DUSP9: variants seen among roughly 807,000 people sequenced by gnomAD.
DUSP9 encodes the protein dual specificity protein phosphatase 9.
Under a neutral mutation model 13.2 loss-of-function variants are expected in DUSP9, and 4 were observed. The observed-to-expected ratio is 0.30, with a 90% CI of 0.15 to 0.69. The LOEUF is 0.69. DUSP9 is among the 30% of genes least tolerant of loss of function. The pLI is 0.73. For missense variants in DUSP9, 263 were observed against 355.0 expected, an observed-to-expected ratio of 0.74 and a Z score of 2.08; for synonymous variants, 166 against 172.3, an observed-to-expected ratio of 0.96 and a Z score of 0.29.
rs951442522 is a variant in DUSP9, at chrX:153,650,538, G to A, written c.*233G>A. ...TTTTCTTTGCGGGATGGGGGTGGGG[G>A]TTCCCTCTCCAGGTGGTTGTCCAGG... On this transcript the variant is annotated 3_prime_UTR_variant, in exon 4 of 4. Coordinates refer to ENST00000342782, the MANE Select transcript of DUSP9 (RefSeq NM_001318503.2). 54 of 397,513 alleles carry A rather than the reference G, an allele frequency of 1.4e-4. 1 individual carries two copies. Among genetic ancestry groups the A allele is most frequent in the Non-Finnish European group, 2.2e-5 (5 of 230,137 alleles). 32.8% of individuals were successfully genotyped at this position (397,513 alleles called of 1,213,427 possible). A position where few individuals can be genotyped will look rare whatever the true frequency, so the allele number is the denominator to read the frequency against.
upstream of DUSP9, among the ~76,000 whole-genome samples, chrX:153,645,608 T>G (rs1391023192): frequency 8.8e-6 from 1 of 113,247 alleles, no homozygotes; most frequent in African/African-American, 3.2e-5. Flanking sequence ...GAGAGGAGTC[T>G]TTAGACTCGT....
Position 153,649,313 on chromosome X carries a change from C to T in DUSP9, c.455C>T (p.Pro152Leu), listed in dbSNP as rs782504547. 1.9e-4 allele frequency: 224 copies of T among 1,209,272 alleles called. 2 individuals carry two copies. In the South Asian group the frequency reaches 2.4e-3, roughly 13 times the overall value. The stretch of plus-strand genomic sequence containing the variant: ...GGCCGTGCCGGCTCCAGCATGGCGC[C>T]GGTGCCCGGTCCAGTGCCCGTGGTG... The part of the protein sequence containing the change: ...LAGRAGSSMA[P>L]VPGPVPVVGL... The change falls in exon 3 of 4, where the codon CCG becomes CTG. Residue 152 changes from proline to leucine, a missense_variant. Physicochemically the swap from Pro to Leu is moderately conservative, Grantham distance 98. Transcript: ENST00000342782.
intron 3 of DUSP9, 71 bp from the exon 4 acceptor site, chrX:153,649,908 GC>G: frequency 9.0e-7 from 1 of 1,111,279 alleles, no homozygotes; most frequent in Non-Finnish European, 1.2e-6. Context: ...GCCTTTGAGG[GC>G]CCTTCGGAAG....
upstream of DUSP9, among the ~76,000 whole-genome samples, chrX:153,646,276 T>A (rs986590156): frequency 8.1e-5 from 9 of 111,555 alleles, no homozygotes; most frequent in African/African-American, 2.9e-4. Context: ...GTTGTGCCCA[T>A]GGAGGAAAGG....
chrX:153,649,635 C>T lies in DUSP9; in HGVS notation c.777C>T (p.Asp259=). Residue 259 remains aspartate, a synonymous_variant, in exon 3 of 4, where the codon GAC becomes GAT. Coordinates refer to ENST00000342782, the MANE Select transcript of DUSP9 (RefSeq NM_001318503.2). ...ACTACAAGCAGATCCCCATCTCCGA[C>T]CACTGGAGCCAGAACCTGTCGCGGT... The part of the protein sequence containing the change: ...DFHYKQIPIS[D]HWSQNLSRFF... The T allele has an allele frequency of 1.7e-6, 2 of 1,211,853 alleles. No individual in the cohort carries two copies. The highest frequency in any genetic ancestry group is 3.0e-5 in the East Asian group (1 of 33,851).
In DUSP9 at chrX:153,649,337, T is replaced by G; in HGVS notation, c.479T>G (p.Val160Gly). 8.3e-7 allele frequency: 1 copy of G among 1,210,506 alleles called. No homozygotes were observed. The highest frequency in any genetic ancestry group is 1.1e-6 in the Non-Finnish European group (1 of 895,374). Reference sequence around the variant, plus strand: ...CCGGTGCCCGGTCCAGTGCCCGTGGTGGGGTTGGGCAGCCTGTGCCTGGGC... The same window carrying G: ...CCGGTGCCCGGTCCAGTGCCCGTGGGGGGGTTGGGCAGCCTGTGCCTGGGC... ...MAPVPGPVPV[V>G]GLGSLCLGSD... The change falls in exon 3 of 4, where the codon GTG (valine) becomes GGG (glycine). Residue 160 changes from valine to glycine, a missense_variant. Physicochemically the swap from Val to Gly is moderately radical, Grantham distance 109 (BLOSUM62 -3). Coordinates refer to ENST00000342782, the MANE Select transcript of DUSP9 (RefSeq NM_001318503.2).
Position 153,650,008 on chromosome X carries a change from G to A in DUSP9, c.858G>A (p.Val286=). The A allele has an allele frequency of 1.7e-6, 2 of 1,210,594 alleles. No individual in the cohort carries two copies. The highest frequency in any genetic ancestry group is 2.2e-6 in the Non-Finnish European group (2 of 895,322). The change falls in exon 4 of 4, where the codon GTG becomes GTA. Residue 286 remains valine (V), a synonymous_variant. Coordinates refer to ENST00000342782, the MANE Select transcript of DUSP9 (RefSeq NM_001318503.2). The part of the protein sequence containing the change: ...IDEALSQNCG[V]LVHCLAGVSR... ...AGGCCTTGTCCCAGAACTGCGGGGTGCTCGTCCACTGCTTGGCGGGGGTCA... is the reference window on the plus strand; with the variant it reads ...AGGCCTTGTCCCAGAACTGCGGGGTACTCGTCCACTGCTTGGCGGGGGTCA...
chrX:153,650,164 G>A lies in DUSP9; in HGVS notation c.1014G>A (p.Leu338=), dbSNP rs1557036283. The A allele has an allele frequency of 8.2e-7, 1 of 1,212,391 alleles. No homozygotes were observed. The highest frequency in any genetic ancestry group is 3.0e-5 in the East Asian group (1 of 33,829). ...ACTTCAACTTCATGGGGCAGTTGCTGGACTTTGAGCGCAGCTTGCGGCTGG... is the reference window on the plus strand; with the variant it reads ...ACTTCAACTTCATGGGGCAGTTGCTAGACTTTGAGCGCAGCTTGCGGCTGG... ...SPNFNFMGQL[L]DFERSLRLEE... The change falls in exon 4 of 4, where the codon CTG becomes CTA. Residue 338 remains leucine (L), a synonymous_variant. Transcript: ENST00000342782.
chrX:153,647,668 T>G, intron 1 of DUSP9: 1 of 216,696 alleles, frequency 4.6e-6, no homozygotes, highest in Non-Finnish European at 8.3e-6. Flanking sequence ...AGAAAGGGGG[T>G]ATGGAGGGAG....
At position 153,650,334 on chromosome X, in the gene DUSP9, C is replaced by T. The variant is rs951428660; in HGVS notation, c.*29C>T. On this transcript the variant is annotated 3_prime_UTR_variant, in exon 4 of 4. Transcript: ENST00000342782. The stretch of plus-strand genomic sequence containing the variant: ...CCCGTGGCCGGCAGGCCGGCCCCTG[C>T]CCCACCCCCACCCACGGGTGTCCCT... 3 of 1,024,909 alleles carry T rather than the reference C, an allele frequency of 2.9e-6. No individual in the cohort carries two copies. The highest frequency in any genetic ancestry group is 3.9e-6 in the Non-Finnish European group (3 of 764,501). The allele number at this position is 1,024,909 out of a possible 1,213,427, so 84.5% of individuals were successfully genotyped here.
intron 2 of DUSP9, 132 bp downstream of exon 2, chrX:153,648,458 G>A (rs2148322086): frequency 1.3e-6 from 1 of 785,592 alleles, no homozygotes; most frequent in South Asian, 3.9e-5. Flanking sequence ...TTGAGAGGAG[G>A]GAAGCCTGAG....
chrX:153,644,357 C>A (rs1260901365), upstream of DUSP9, among the ~76,000 whole-genome samples: 4 of 105,196 alleles, frequency 3.8e-5, no homozygotes, highest in African/African-American at 1.4e-4. Context: ...GAGCGCGCGG[C>A]CTGGCTCAGC....
In DUSP9 at chrX:153,650,532, G is replaced by C. The variant is rs782773648; in HGVS notation, c.*227G>C. The stretch of plus-strand genomic sequence containing the variant: ...GTTACTTTTTCTTTGCGGGATGGGG[G>C]TGGGGGTTCCCTCTCCAGGTGGTTG... On this transcript the variant is annotated 3_prime_UTR_variant, in exon 4 of 4. Transcript: ENST00000342782. 618 of 402,290 alleles carry C rather than the reference G, an allele frequency of 1.5e-3. 1 individual carries two copies. Among genetic ancestry groups the C allele is most frequent in the Non-Finnish European group, 2.4e-3 (558 of 233,222 alleles). The allele number at this position is 402,290 out of a possible 1,213,427, so 33.2% of individuals were successfully genotyped here.
chrX:153,650,280 G>A lies in DUSP9; in HGVS notation c.1130G>A (p.Gly377Asp). The change falls in exon 4 of 4, where the codon GGC (glycine) becomes GAC (aspartate). Residue 377 changes from glycine to aspartate, a missense_variant. Physicochemically the swap from Gly to Asp is moderately conservative, Grantham distance 94. Transcript: ENST00000342782. ...TTCTTCACCACCCCCACCAGTGATG[G>A]CGCCTTCGAGCTGGCCCCCACCTAG... is the stretch of plus-strand genomic sequence containing the variant. ...PSFFTTPTSD[G>D]AFELAPT is the part of the protein sequence containing the mutation. 8.4e-7 allele frequency: 1 copy of A among 1,197,331 alleles called. No homozygotes were observed. The highest frequency in any genetic ancestry group is 1.1e-6 in the Non-Finnish European group (1 of 887,502).
rs782304475 is a variant in DUSP9, at chrX:153,649,255, G to T, written c.397G>T (p.Glu133Ter). 1 of 1,209,510 alleles carries T rather than the reference G, an allele frequency of 8.3e-7. No homozygotes were observed. Among genetic ancestry groups the T allele is most frequent in the Non-Finnish European group, 1.1e-6 (1 of 895,296 alleles). The change falls in exon 3 of 4, where the codon GAG (glutamate) becomes TAG (stop). Residue 133 changes from glutamate (E) to a stop codon, truncating the protein, a stop_gained. Transcript: ENST00000342782. LOFTEE classifies it high-confidence loss of function. ...LQGGFSRFQA[E>*]CPHLCETSLA... is the part of the protein sequence containing the mutation. ...AGGAGGCTTCAGCAGATTCCAGGCC[G>T]AGTGCCCTCACCTGTGTGAGACCAG...
Position 153,649,725 on chromosome X carries a change from C to T in DUSP9, c.829+38C>T, listed in dbSNP as rs782464337. 8.1e-6 allele frequency: 9 copies of T among 1,108,130 alleles called. No individual in the cohort carries two copies. In the Admixed American group the frequency reaches 2.0e-4, roughly 25 times the overall value. The allele number at this position is 1,108,130 out of a possible 1,213,427, so 91.3% of individuals were successfully genotyped here. On this transcript the variant is annotated intron_variant, in intron 3 of 3. Transcript: ENST00000342782. ...CACCCACCCTTCCCTCCTGTCCTCCCCAAGGCCTGCTCTGGCCTCCCCCTT... is the reference window on the plus strand; with the variant it reads ...CACCCACCCTTCCCTCCTGTCCTCCTCAAGGCCTGCTCTGGCCTCCCCCTT...
rs782371278 is a variant in DUSP9, at chrX:153,650,342, C to T, written c.*37C>T. On this transcript the variant is annotated 3_prime_UTR_variant, in exon 4 of 4. Transcript: ENST00000342782. ...CGGCAGGCCGGCCCCTGCCCCACCC[C>T]CACCCACGGGTGTCCCTGCCCACTC... 2.0e-5 allele frequency: 20 copies of T among 1,019,387 alleles called. No individual in the cohort carries two copies. In the South Asian group the frequency reaches 4.4e-4, roughly 22 times the overall value. 84.0% of individuals were successfully genotyped at this position (1,019,387 alleles called of 1,213,427 possible). A position where few individuals can be genotyped will look rare whatever the true frequency, so the allele number is the denominator to read the frequency against.
At position 153,649,643 on chromosome X, in the gene DUSP9, G is replaced by A; in HGVS notation, c.785G>A (p.Ser262Asn). Residue 262 changes from serine (S) to asparagine (N), a missense_variant, in exon 3 of 4, where the codon AGC becomes AAC. Transcript: ENST00000342782. The stretch of plus-strand genomic sequence containing the variant: ...CAGATCCCCATCTCCGACCACTGGA[G>A]CCAGAACCTGTCGCGGTTCTTTCCG... ...YKQIPISDHWSQNLSRFFPEA... is the reference protein window; with the variant it reads ...YKQIPISDHWNQNLSRFFPEA... 1 of 1,211,650 alleles carries A rather than the reference G, an allele frequency of 8.3e-7. No individual in the cohort carries two copies. Among genetic ancestry groups the A allele is most frequent in the Non-Finnish European group, 1.1e-6 (1 of 895,578 alleles).
In DUSP9 at chrX:153,650,326, G is replaced by C. The variant is rs782266921; in HGVS notation, c.*21G>C. On this transcript the variant is annotated 3_prime_UTR_variant, in exon 4 of 4. Transcript: ENST00000342782. ...CCTAGGGCCCCGTGGCCGGCAGGCCGGCCCCTGCCCCACCCCCACCCACGG... is the reference window on the plus strand; with the variant it reads ...CCTAGGGCCCCGTGGCCGGCAGGCCCGCCCCTGCCCCACCCCCACCCACGG... 6 of 1,085,690 alleles carry C rather than the reference G, an allele frequency of 5.5e-6. No homozygotes were observed. Among genetic ancestry groups the C allele is most frequent in the Admixed American group, 5.7e-5 (2 of 35,033 alleles). The allele number at this position is 1,085,690 out of a possible 1,213,427, so 89.5% of individuals were successfully genotyped here.
Sources: gnomAD v4.1 joint callset for allele counts (sites outside exome capture counted in the v4.1 genomes callset) on GRCh38, gnomAD v4.1.1 for gene constraint, MANE v1.5 for transcripts, NCBI Gene and HGNC (gene_info 2026-07-23, HGNC 2026-07-21) for gene names.